Variants in MTR observed in about 807,000 individuals in gnomAD.
MTR encodes the protein methionine synthase.
A neutral mutation model predicts 154.8 loss-of-function variants in MTR; 84 were observed. The ratio of observed to expected loss-of-function variants is 0.54; its 90% confidence interval spans 0.45 to 0.65. MTR has a LOEUF of 0.65. Ranked by LOEUF, MTR falls within the 30% of genes least tolerant of loss-of-function variation. The probability of loss-of-function intolerance (pLI) is 0.00; values close to 1 mark genes in which losing one functional copy is unlikely to be tolerated. For missense variants in MTR, 1,275 were observed against 1,570.2 expected, an observed-to-expected ratio of 0.81 and a Z score of 3.18; for synonymous variants, 554 against 553.9, an observed-to-expected ratio of 1.00 and a Z score of 0.00.
intron 24 of MTR, among the ~76,000 whole-genome samples, chr1:236,878,726 A>T (rs1572319567): frequency 6.6e-6 from 1 of 152,270 alleles, no homozygotes; most frequent in East Asian, 1.9e-4. Flanking sequence ...GGATGAATCG[A>T]TATTTGGAGA....
chr1:236,854,957 C>T (rs967788099), intron 18 of MTR, among the ~76,000 whole-genome samples: 4 of 152,164 alleles, frequency 2.6e-5, no homozygotes, highest in Non-Finnish European at 5.9e-5. Context: ...AATGTAACCA[C>T]GAGGGCTTCT....
chr1:236,836,375 A>T (rs1384078021), intron 14 of MTR, among the ~76,000 whole-genome samples: 8 of 151,838 alleles, frequency 5.3e-5, no homozygotes, highest in Non-Finnish European at 1.0e-4. Flanking sequence ...CTTCCTGAGT[A>T]GCTGGGACCA....
In MTR at chr1:236,873,801, T is replaced by C. The variant is rs1386021215; in HGVS notation, c.2434T>C (p.Cys812Arg). 6.2e-7 allele frequency: 1 copy of C among 1,614,214 alleles called. No homozygotes were observed. Among genetic ancestry groups the C allele is most frequent in the Non-Finnish European group, 8.5e-7 (1 of 1,180,002 alleles). The change falls in exon 23 of 33, where the codon TGT becomes CGT. Residue 812 changes from cysteine to arginine, a missense_variant. Cys to Arg is a radical substitution (Grantham distance 180, BLOSUM62 -3). Transcript: ENST00000366577. ...TATTGATTTAGGAGTCATGACTCCATGTGATAAGATACTGAAAGCTGCTCT... is the reference window on the plus strand; with the variant it reads ...TATTGATTTAGGAGTCATGACTCCACGTGATAAGATACTGAAAGCTGCTCT... ...RVIDLGVMTP[C>R]DKILKAALDH...
chr1:236,889,333 G>A lies in MTR; in HGVS notation c.3004G>A (p.Val1002Ile). ...GFPKIFNDKTVGGEARKVYDD... is the reference protein window; with the variant it reads ...GFPKIFNDKTIGGEARKVYDD... ...TCCCAAGATATTTAACGACAAAACA[G>A]TAGGTTAGTGCAGTAAGTCCTTCCT... The change falls in exon 28 of 33, where the codon GTA (valine) becomes ATA (isoleucine). Residue 1002 changes from valine (V) to isoleucine (I), a missense_variant. By Grantham distance (29) the Val-to-Ile change is conservative. Coordinates refer to ENST00000366577, the MANE Select transcript of MTR (RefSeq NM_000254.3). The A allele has an allele frequency of 3.1e-6, 5 of 1,614,218 alleles. No homozygotes were observed. Among genetic ancestry groups the A allele is most frequent in the Non-Finnish European group, 4.2e-6 (5 of 1,180,042 alleles).
intron 15 of MTR, among the ~76,000 whole-genome samples, chr1:236,849,950 G>A (rs1663803568): frequency 6.6e-6 from 1 of 152,192 alleles, no homozygotes; most frequent in Non-Finnish European, 1.5e-5. Context: ...GCACTTACAT[G>A]TTAATCTCTT....
chr1:236,859,762 G>A, intron 18 of MTR, 71 bp from the exon 19 acceptor site: 1 of 1,226,946 alleles, frequency 8.2e-7, no homozygotes, highest in East Asian at 2.3e-5. Context: ...TTGTTTGTTT[G>A]TTTGTTTTGC....
chr1:236,812,441 G>T (rs1572196533), intron 5 of MTR, among the ~76,000 whole-genome samples: 1 of 152,380 alleles, frequency 6.6e-6, no homozygotes, highest in East Asian at 1.9e-4. Context: ...TTTCAGAGAT[G>T]TTGAATGGGG....
At chr1:236,878,403 G>A (rs1026248311) in intron 24 of MTR, among the ~76,000 whole-genome samples, 1 of 152,072 alleles carries the variant, frequency 6.6e-6, no homozygotes, top group Non-Finnish European at 1.5e-5. Context: ...TGAAAACATC[G>A]CTGAGGGGAG....
In MTR at chr1:236,903,417, T is replaced by C. The variant is rs1488980438; in HGVS notation, c.*5773T>C. The stretch of plus-strand genomic sequence containing the variant: ...AGCCAGTCCCATGTTTTTTTAACAC[T>C]TGGAATATCTAATTCCATTTACACT... On this transcript the variant is annotated 3_prime_UTR_variant, in exon 33 of 33. Transcript: ENST00000366577. The C allele has an allele frequency of 6.6e-6, 1 of 152,238 alleles. No individual in the cohort carries two copies. Among genetic ancestry groups the C allele is most frequent in the Non-Finnish European group, 1.5e-5 (1 of 68,052 alleles). 9.4% of individuals were successfully genotyped at this position (152,238 alleles called of 1,614,324 possible).
In MTR at chr1:236,810,701, T is replaced by A. The variant is rs1661251315; in HGVS notation, c.502+106T>A. 8 of 922,132 alleles carry A rather than the reference T, an allele frequency of 8.7e-6. No individual in the cohort carries two copies. In the East Asian group the frequency reaches 1.5e-4, roughly 17 times the overall value. The allele number at this position is 922,132 out of a possible 1,614,324, so 57.1% of individuals were successfully genotyped here. A position where few individuals can be genotyped will look rare whatever the true frequency, so the allele number is the denominator to read the frequency against. On this transcript the variant is annotated intron_variant, in intron 5 of 32. Transcript: ENST00000366577. ...ATCAATAACAGGATCTACCTTAGAG[T>A]TACTGTGATTTAATCCATGTAAAAC...
intron 2 of MTR, among the ~76,000 whole-genome samples, chr1:236,804,761 T>A (rs1660883835): frequency 6.6e-6 from 1 of 152,210 alleles, no homozygotes; most frequent in Non-Finnish European, 1.5e-5. Context: ...CCACTGATAT[T>A]AGTTGGTGTG....
intron 6 of MTR, among the ~76,000 whole-genome samples, chr1:236,813,933 G>A (rs1312458384): frequency 6.6e-6 from 1 of 151,852 alleles, no homozygotes; most frequent in Non-Finnish European, 1.5e-5. Flanking sequence ...TTTTGTTGTG[G>A]GAGGGGGAGA....
chr1:236,889,416 G>T (rs1666196473), intron 28 of MTR, 80 bp downstream of exon 28: 1 of 1,579,562 alleles, frequency 6.3e-7, no homozygotes, highest in South Asian at 1.1e-5. Flanking sequence ...AATCGGTGAG[G>T]AGCAGTGGAT....
rs1020531721 is a variant in MTR at position 236,899,980 on chromosome 1, A to T, written c.*2336A>T. On this transcript the variant is annotated 3_prime_UTR_variant, in exon 33 of 33. Coordinates refer to ENST00000366577, the MANE Select transcript of MTR (RefSeq NM_000254.3). ...TGTACAACATTGTGGATGTGTAAAC[A>T]GGCACCACTGCTTTAAAAAACAATT... The T allele has an allele frequency of 3.4e-5, 7 of 204,798 alleles. No homozygotes were observed. The Middle Eastern group carries it at 1.9e-3, about 55-fold the overall frequency. 12.7% of individuals were successfully genotyped at this position (204,798 alleles called of 1,614,324 possible). A position where few individuals can be genotyped will look rare whatever the true frequency, so the allele number is the denominator to read the frequency against.
rs138128929 is a variant in MTR, at chr1:236,812,954, G to A, written c.609+110G>A. On this transcript the variant is annotated intron_variant, in intron 6 of 32. Coordinates refer to ENST00000366577, the MANE Select transcript of MTR (RefSeq NM_000254.3). ...ATTATCAAAGTTAAATAAATTACCT[G>A]TATTTGCTCCATTTTATTCTTGAGT... 1.7e-3 allele frequency: 1,468 copies of A among 856,206 alleles called. 35 individuals are homozygous for A. In the East Asian group the frequency reaches 0.034, roughly 20 times the overall value. 53.0% of individuals were successfully genotyped at this position (856,206 alleles called of 1,614,324 possible).
intron 18 of MTR, among the ~76,000 whole-genome samples, chr1:236,858,176 A>G (rs559028032): frequency 1.3e-5 from 2 of 152,298 alleles, no homozygotes; most frequent in East Asian, 3.9e-4. Context: ...TTATGAAGAA[A>G]AGGAGGTTTA....
At chr1:236,843,714 G>T (rs984309544) in intron 15 of MTR, among the ~76,000 whole-genome samples, 2 of 152,170 alleles carry the variant, frequency 1.3e-5, no homozygotes, top group African/African-American at 4.8e-5. Flanking sequence ...GAGCCAATAG[G>T]ATTTGTATTC....
At chr1:236,871,445 G>T (rs1197012550) in intron 22 of MTR, among the ~76,000 whole-genome samples, 4 of 152,092 alleles carry the variant, frequency 2.6e-5, no homozygotes, top group Admixed American at 2.6e-4. Context: ...ACAAGAAAAA[G>T]CAGTGACAGC....
At chr1:236,863,991 A>C (rs1020163067) in intron 22 of MTR, among the ~76,000 whole-genome samples, 2 of 152,072 alleles carry the variant, frequency 1.3e-5, no homozygotes, top group African/African-American at 2.4e-5. Context: ...TTCTCTGTAC[A>C]AGTCTCAGTT....
Sources: allele counts gnomAD v4.1 joint callset (sites outside exome capture counted in the v4.1 genomes callset), GRCh38; gene constraint gnomAD v4.1.1; transcripts MANE v1.5; gene names NCBI Gene and HGNC (gene_info 2026-07-23, HGNC 2026-07-21).